Variants in DNAJC11 observed in about 807,000 individuals in gnomAD.
DNAJC11 encodes the protein DnaJ heat shock protein family (Hsp40) member C11.
In DNAJC11, 15 loss-of-function variants were observed where a neutral mutation model predicts 78.6. That is an observed-to-expected ratio of 0.19 (90% CI 0.13 to 0.29). The LOEUF is 0.29. Among genes scored for constraint, DNAJC11 ranks in the 10% least tolerant of loss-of-function variants. DNAJC11 has a pLI of 1.00. For missense variants in DNAJC11, 547 were observed against 709.6 expected (o/e 0.77, Z 2.60); for synonymous variants, 292 against 272.1 (o/e 1.07, Z -0.72).
intron 1 of DNAJC11, among the ~76,000 whole-genome samples, chr1:6,690,106 C>T (rs1029857787): frequency 6.6e-6 from 1 of 152,030 alleles, no homozygotes; most frequent in African/African-American, 2.4e-5. Context: ...GACCCCTAAC[C>T]CGAAAGATTG....
At chr1:6,678,680 T>C (rs1177216965) in intron 2 of DNAJC11, among the ~76,000 whole-genome samples, 1 of 152,178 alleles carries the variant, frequency 6.6e-6, no homozygotes, top group African/African-American at 2.4e-5. Flanking sequence ...ACTGACAGGG[T>C]CCTTCTCTGT....
At chr1:6,688,213 C>T (rs1642687561) in intron 1 of DNAJC11, among the ~76,000 whole-genome samples, 1 of 152,166 alleles carries the variant, frequency 6.6e-6, no homozygotes, top group Non-Finnish European at 1.5e-5. Flanking sequence ...ACTGAGTCTC[C>T]ATAAGCCCTG....
chr1:6,635,555 A>C lies in DNAJC11; in HGVS notation c.*120T>G. ...CCTTCACATAATTGATAATGGTACC[A>C]CCTTCTATAATAATAATATAAAATA... On this transcript the variant is annotated 3_prime_UTR_variant, in exon 16 of 16. Coordinates refer to ENST00000377577, the MANE Select transcript of DNAJC11 (RefSeq NM_018198.4). 2 of 1,086,572 alleles carry C rather than the reference A, an allele frequency of 1.8e-6. No individual in the cohort carries two copies. Among genetic ancestry groups the C allele is most frequent in the East Asian group, 2.6e-5 (1 of 38,558 alleles). The allele number at this position is 1,086,572 out of a possible 1,614,324, so 67.3% of individuals were successfully genotyped here.
intron 10 of DNAJC11, among the ~76,000 whole-genome samples, chr1:6,642,732 C>G (rs1354954052): frequency 1.3e-5 from 2 of 152,158 alleles, no homozygotes; most frequent in African/African-American, 4.8e-5. Context: ...AGAGCAGGTT[C>G]TGAAGGTTCT....
At position 6,653,177 on chromosome 1, in the gene DNAJC11, G is replaced by A. The variant is rs1557472502; in HGVS notation, c.508-226C>T. 6.6e-6 allele frequency among the ~76,000 whole-genome samples: 1 copy of A among 152,082 alleles called. No individual in the cohort carries two copies. Among genetic ancestry groups the A allele is most frequent in the Admixed American group, 6.6e-5 (1 of 15,264 alleles). ...AATATGCTTTGCAAAAGCTTTAATG[G>A]GCACATTTCACAACACCAGGGGAAA... On this transcript the variant is annotated intron_variant, in intron 5 of 15. Coordinates refer to ENST00000377577, the MANE Select transcript of DNAJC11 (RefSeq NM_018198.4). This position sits in a 1 kb window ranked among gnomAD's most constrained non-coding sequence, Gnocchi z 4.5.
intron 4 of DNAJC11, 50 bp downstream of exon 4, chr1:6,667,659 T>C (rs533274051): frequency 1.4e-6 from 2 of 1,480,152 alleles, no homozygotes; most frequent in East Asian, 4.5e-5. Context: ...GGCTTCTAGT[T>C]ATGAGGCCTT....
chr1:6,701,417 T>A (rs1404410678), intron 1 of DNAJC11, among the ~76,000 whole-genome samples: 1 of 152,140 alleles, frequency 6.6e-6, no homozygotes, highest in Non-Finnish European at 1.5e-5. Flanking sequence ...CTAACCCCAC[T>A]ACGGTGGCCT....
At chr1:6,638,759 T>C (rs1641826637) in intron 11 of DNAJC11, among the ~76,000 whole-genome samples, 1 of 152,234 alleles carries the variant, frequency 6.6e-6, no homozygotes, top group East Asian at 1.9e-4. Context: ...ACTCCTGGGC[T>C]CAAGTGATCC....
chr1:6,655,290 T>C (rs1006631243), intron 4 of DNAJC11, among the ~76,000 whole-genome samples: 1 of 152,178 alleles, frequency 6.6e-6, no homozygotes, highest in Non-Finnish European at 1.5e-5. Context: ...TATAGTGTTA[T>C]GGTAAAAAAT....
At chr1:6,638,491 A>G in intron 11 of DNAJC11, 127 bp from the exon 12 acceptor site, 5 of 758,204 alleles carry the variant, frequency 6.6e-6, no homozygotes, top group Non-Finnish European at 9.8e-6. Context: ...TCAGTTGTAG[A>G]ACTTTAAAAA....
intron 3 of DNAJC11, among the ~76,000 whole-genome samples, chr1:6,674,966 A>C (rs1642438295): frequency 6.6e-6 from 1 of 152,188 alleles, no homozygotes; most frequent in Non-Finnish European, 1.5e-5. Flanking sequence ...CAGCAACTGA[A>C]GAGTTTAACA....
chr1:6,634,282 G>A lies in DNAJC11; in HGVS notation c.*1393C>T. 1 of 880,808 alleles carries A rather than the reference G, an allele frequency of 1.1e-6. No individual in the cohort carries two copies. The highest frequency in any genetic ancestry group is 1.7e-6 in the Non-Finnish European group (1 of 592,766). The allele number at this position is 880,808 out of a possible 1,614,324, so 54.6% of individuals were successfully genotyped here. A position where few individuals can be genotyped will look rare whatever the true frequency, so the allele number is the denominator to read the frequency against. On this transcript the variant is annotated 3_prime_UTR_variant, in exon 16 of 16. Transcript: ENST00000377577. ...GCGGCAGAGGCGCACGGGAAGCCCGGGGCCCAGGCTCATGCAACACGACGC... is the reference window on the plus strand; with the variant it reads ...GCGGCAGAGGCGCACGGGAAGCCCGAGGCCCAGGCTCATGCAACACGACGC...
chr1:6,638,371 C>T lies in DNAJC11; in HGVS notation c.1254-7G>A, dbSNP rs756867738. 7.0e-5 allele frequency: 113 copies of T among 1,612,494 alleles called. No homozygotes were observed. Among genetic ancestry groups the T allele is most frequent in the East Asian group, 1.6e-4 (7 of 44,842 alleles). On this transcript the variant is annotated splice_polypyrimidine_tract_variant and splice_region_variant and intron_variant, in intron 11 of 15. Transcript: ENST00000377577. Reference sequence around the variant, plus strand: ...CCTCTGCTTCTCCAATTCCCTTACGCGAGAGGAACACAAGCCCCACGTTAG... The same window carrying T: ...CCTCTGCTTCTCCAATTCCCTTACGTGAGAGGAACACAAGCCCCACGTTAG...
chr1:6,692,527 GA>G (rs1475775812), intron 1 of DNAJC11, among the ~76,000 whole-genome samples: 1 of 151,768 alleles, frequency 6.6e-6, no homozygotes, highest in Non-Finnish European at 1.5e-5. Flanking sequence ...AACTTTCCAG[GA>G]AGCACAAGTT....
chr1:6,671,251 T>G (rs559397083), intron 3 of DNAJC11, among the ~76,000 whole-genome samples: 1 of 152,318 alleles, frequency 6.6e-6, no homozygotes, highest in East Asian at 1.9e-4. Flanking sequence ...CTTGCTCAAT[T>G]TATTTATTTG....
intron 1 of DNAJC11, among the ~76,000 whole-genome samples, chr1:6,700,931 C>T (rs180758806): frequency 6.6e-6 from 1 of 152,320 alleles, no homozygotes; most frequent in African/African-American, 2.4e-5. Context: ...TCACACCTAT[C>T]TCAACTCCAG....
intron 3 of DNAJC11, among the ~76,000 whole-genome samples, chr1:6,669,634 G>A (rs1253501662): frequency 6.6e-6 from 1 of 152,160 alleles, no homozygotes; most frequent in East Asian, 1.9e-4. Context: ...AGACCATCTA[G>A]TTGACATTTC....
intron 4 of DNAJC11, among the ~76,000 whole-genome samples, chr1:6,666,945 C>A (rs548306899): frequency 1.7e-4 from 26 of 152,236 alleles, no homozygotes; most frequent in African/African-American, 6.3e-4. Flanking sequence ...AACAGTACAC[C>A]GGGCCATGTT....
intron 1 of DNAJC11, among the ~76,000 whole-genome samples, chr1:6,681,356 A>T (rs1328980706): frequency 6.6e-6 from 1 of 152,202 alleles, no homozygotes; most frequent in Non-Finnish European, 1.5e-5. Context: ...CTAACTCTTT[A>T]ACTTATTTGA....
Sources: allele counts gnomAD v4.1 joint callset (sites outside exome capture counted in the v4.1 genomes callset), GRCh38; gene constraint gnomAD v4.1.1; non-coding constraint Gnocchi (gnomAD v3.1); transcripts MANE v1.5; gene names NCBI Gene and HGNC (gene_info 2026-07-23, HGNC 2026-07-21).